PSMC1: variants seen among roughly 807,000 people sequenced by gnomAD.
PSMC1 encodes 26S proteasome regulatory subunit 4.
In PSMC1, 5 loss-of-function variants were observed where a neutral mutation model predicts 49.8. That is an observed-to-expected ratio of 0.10 (90% CI 0.05 to 0.21). The LOEUF (loss-of-function observed/expected upper bound fraction) is 0.21, where lower values mean the gene tolerates loss of function less well. Ranked by LOEUF, PSMC1 falls within the 10% of genes least tolerant of loss-of-function variation. PSMC1 has a pLI of 1.00. For synonymous variants in PSMC1, 155 were observed against 192.1 expected (o/e 0.81, Z 1.60); for missense variants, 181 against 535.7 (o/e 0.34, Z 6.54).
rs1491397403 is a variant in PSMC1 at position 90,274,838 on chromosome 14, A to ACACACACACCC, written c.*2432_*2433insACACACACCCC. The ACACACACACCC allele has an allele frequency of 1.5e-5, 1 of 67,218 alleles. No homozygotes were observed. Among genetic ancestry groups the ACACACACACCC allele is most frequent in the East Asian group, 3.4e-4 (1 of 2,956 alleles). The allele number at this position is 67,218 out of a possible 1,614,324, so 4.2% of individuals were successfully genotyped here. A position where few individuals can be genotyped will look rare whatever the true frequency, so the allele number is the denominator to read the frequency against. On this transcript the variant is annotated 3_prime_UTR_variant, in exon 11 of 11. Coordinates refer to ENST00000261303, the MANE Select transcript of PSMC1 (RefSeq NM_002802.3). ...CACACACACACACACACACACACAC[A>ACACACACACCC]CCCCAATACATATGAATTGATCTGA...
intron 7 of PSMC1, among the ~76,000 whole-genome samples, chr14:90,265,888 CCCTT>C (rs1891500299): frequency 1.3e-5 from 2 of 151,742 alleles, no homozygotes; most frequent in Non-Finnish European, 1.5e-5. Flanking sequence ...TGATGCCTGA[CCCTT>C]CCTCAAAGAT....
intron 7 of PSMC1, 139 bp from the exon 8 acceptor site, chr14:90,268,085 A>G (rs1891564461): frequency 3.2e-6 from 2 of 625,120 alleles, no homozygotes; most frequent in Admixed American, 3.2e-5. Flanking sequence ...GAATGTCGTG[A>G]CACTTGAATT....
At chr14:90,266,811 T>C (rs911934622) in intron 7 of PSMC1, among the ~76,000 whole-genome samples, 13 of 152,218 alleles carry the variant, frequency 8.5e-5, no homozygotes, top group South Asian at 2.1e-4. Flanking sequence ...CCTTCCCTCA[T>C]TGATGCTTTC....
chr14:90,269,826 G>A, intron 9 of PSMC1: 1 of 401,120 alleles, frequency 2.5e-6, no homozygotes, highest in Admixed American at 4.1e-5. Flanking sequence ...TTTTCTGGAA[G>A]AAATAATTCA....
At chr14:90,265,709 A>G (rs1243909986) in intron 7 of PSMC1, among the ~76,000 whole-genome samples, 1 of 140,788 alleles carries the variant, frequency 7.1e-6, no homozygotes, top group Admixed American at 7.1e-5. Flanking sequence ...AAAAAAAAAG[A>G]TTAGGTGGGC....
intron 3 of PSMC1, among the ~76,000 whole-genome samples, chr14:90,261,807 T>C (rs7153368): frequency 0.015 from 2,200 of 150,602 alleles, 57 homozygotes; most frequent in African/African-American, 0.05. Context: ...ACTGGGTATA[T>C]ACCCAAAGGA....
intron 1 of PSMC1, among the ~76,000 whole-genome samples, chr14:90,258,284 A>G (rs1403201277): frequency 6.6e-6 from 1 of 152,204 alleles, no homozygotes; most frequent in Non-Finnish European, 1.5e-5. Flanking sequence ...TGTTTAGGAC[A>G]CTGCCTGGCA....
chr14:90,256,567 C>G lies in PSMC1; in HGVS notation c.-31C>G. The G allele has an allele frequency of 6.3e-7, 1 of 1,581,720 alleles. No homozygotes were observed. The highest frequency in any genetic ancestry group is 2.3e-5 in the East Asian group (1 of 43,538). On this transcript the variant is annotated 5_prime_UTR_variant, in exon 1 of 11. Transcript: ENST00000261303. ...CGGGCCGCAGTGGTGGAGGAACTTC[C>G]GGCAGCGGCAGCTCAAGTGGCCAAG...
chr14:90,266,053 C>G lies in PSMC1; in HGVS notation c.691+887C>G, dbSNP rs142887689. On this transcript the variant is annotated intron_variant, in intron 7 of 10. Transcript: ENST00000261303. ...GATGGATGACTTGAGGCCAGGAGTTCAAGACCAGCCCGGCCAACATGGTGA... is the reference window on the plus strand; with the variant it reads ...GATGGATGACTTGAGGCCAGGAGTTGAAGACCAGCCCGGCCAACATGGTGA... Among the ~76,000 whole-genome samples the G allele has an allele frequency of 1.7e-3, 254 of 152,108 alleles. 1 individual carries two copies. Among genetic ancestry groups the G allele is most frequent in the African/African-American group, 5.8e-3 (239 of 41,506 alleles).
chr14:90,270,543 A>G, intron 10 of PSMC1, 191 bp downstream of exon 10: 2 of 599,634 alleles, frequency 3.3e-6, no homozygotes, highest in Non-Finnish European at 5.3e-6. Flanking sequence ...GCATCATTTT[A>G]TGCAGTGAAT....
Position 90,263,811 on chromosome 14 carries a change from G to A in PSMC1, c.429G>A (p.Leu143=), listed in dbSNP as rs748825554. The part of the protein sequence containing the change: ...VSILSFVDKD[L]LEPGCSVLLN... The stretch of plus-strand genomic sequence containing the variant: ...TTCTTTCATTTGTAGACAAGGATCT[G>A]CTGGAACCTGGCTGCTCGGTCCTGC... Residue 143 remains leucine, a synonymous_variant, in exon 5 of 11, where the codon CTG becomes CTA. Transcript: ENST00000261303. The A allele has an allele frequency of 1.1e-5, 18 of 1,614,038 alleles. No homozygotes were observed. Among genetic ancestry groups the A allele is most frequent in the Non-Finnish European group, 1.5e-5 (18 of 1,180,002 alleles).
chr14:90,259,654 C>T (rs1282825227), intron 2 of PSMC1, among the ~76,000 whole-genome samples: 1 of 151,848 alleles, frequency 6.6e-6, no homozygotes, highest in African/African-American at 2.4e-5. Context: ...ATTATTGAGA[C>T]GGAGTCACCC....
At chr14:90,261,863 T>A (rs758728765) in intron 3 of PSMC1, among the ~76,000 whole-genome samples, 43 of 150,606 alleles carry the variant, frequency 2.9e-4, no homozygotes, top group Non-Finnish European at 5.8e-4. Flanking sequence ...GTATGTTTAT[T>A]GCGGCACTAT....
chr14:90,258,230 T>C (rs1891333173), intron 1 of PSMC1, among the ~76,000 whole-genome samples: 1 of 152,332 alleles, frequency 6.6e-6, no homozygotes, highest in Admixed American at 6.5e-5. Context: ...ATGGTACCAG[T>C]GTCATCGTGT....
Position 90,263,228 on chromosome 14 carries a change from A to T in PSMC1, c.155-90A>T, listed in dbSNP as rs566229848. 5.7e-5 allele frequency: 78 copies of T among 1,378,606 alleles called. No homozygotes were observed. In the African/African-American group the frequency reaches 1.2e-3, roughly 20 times the overall value. The allele number at this position is 1,378,606 out of a possible 1,614,324, so 85.4% of individuals were successfully genotyped here. A position where few individuals can be genotyped will look rare whatever the true frequency, so the allele number is the denominator to read the frequency against. ...AATTTTTCTGAAGCTATCGCCAACA[A>T]AAATGAGCGTATTTTAAAATCTTAA... On this transcript the variant is annotated intron_variant, in intron 3 of 10. Coordinates refer to ENST00000261303, the MANE Select transcript of PSMC1 (RefSeq NM_002802.3).
chr14:90,258,510 C>T (rs1161364525), intron 1 of PSMC1, among the ~76,000 whole-genome samples: 1 of 152,124 alleles, frequency 6.6e-6, no homozygotes, highest in Non-Finnish European at 1.5e-5. Context: ...TAAGCATTGT[C>T]CTATAACTGT....
chr14:90,268,750 G>C (rs1297725244), intron 8 of PSMC1: 1 of 215,918 alleles, frequency 4.6e-6, no homozygotes, highest in Non-Finnish European at 9.1e-6. Flanking sequence ...CATGGAAACA[G>C]AATAAATGAT....
In PSMC1 at chr14:90,270,252, G is replaced by C; in HGVS notation, c.1088G>C (p.Arg363Pro). 6.2e-7 allele frequency: 1 copy of C among 1,613,614 alleles called. No individual in the cohort carries two copies. Among genetic ancestry groups the C allele is most frequent in the Non-Finnish European group, 8.5e-7 (1 of 1,179,820 alleles). ...FPLPDEKTKK[R>P]IFQIHTSRMT... ...CTGCCTGATGAAAAGACGAAGAAGC[G>C]CATCTTTCAGATTCACACAAGCAGG... is the stretch of plus-strand genomic sequence containing the variant. The change falls in exon 10 of 11, where the codon CGC (arginine) becomes CCC (proline). Residue 363 changes from arginine to proline, a missense_variant. Physicochemically the swap from Arg to Pro is moderately radical, Grantham distance 103. Around this residue, in one of 3 missense-constraint regions of PSMC1, gnomAD observed 60 missense variants for 155.5 expected, o/e 0.39. Transcript: ENST00000261303.
chr14:90,266,014 G>C (rs1335011611), intron 7 of PSMC1, among the ~76,000 whole-genome samples: 1 of 152,166 alleles, frequency 6.6e-6, no homozygotes, highest in Non-Finnish European at 1.5e-5. Context: ...CTAGCACTGT[G>C]AGAGGTCAAG....
Sources: allele counts gnomAD v4.1 joint callset (sites outside exome capture counted in the v4.1 genomes callset), GRCh38; gene constraint gnomAD v4.1.1; regional missense constraint gnomAD v4.1.1; transcripts MANE v1.5; gene names NCBI Gene and HGNC (gene_info 2026-07-23, HGNC 2026-07-21).